Variants in MDN1 observed in about 807,000 individuals in gnomAD.
MDN1 encodes the protein midasin AAA ATPase 1.
A neutral mutation model predicts 669.2 loss-of-function variants in MDN1; 266 were observed. That is an observed-to-expected ratio of 0.40 (90% CI 0.36 to 0.44). The LOEUF (loss-of-function observed/expected upper bound fraction) is 0.44, where lower values mean the gene tolerates loss of function less well. MDN1 is among the 20% of genes least tolerant of loss of function. MDN1 has a pLI of 1.00. For synonymous variants in MDN1, 2,385 were observed against 2,457.1 expected (o/e 0.97, Z 0.87); for missense variants, 5,940 against 6,754.0 (o/e 0.88, Z 4.22).
chr6:89,795,441 GA>G (rs75261535), intron 2 of MDN1, among the ~76,000 whole-genome samples: 25 of 143,540 alleles, frequency 1.7e-4, no homozygotes, highest in East Asian at 1.0e-3. Context: ...TGTTCCTACA[GA>G]AAAAAAAAAA....
intron 74 of MDN1, 104 bp downstream of exon 74, chr6:89,680,485 C>A: frequency 2.2e-6 from 3 of 1,388,304 alleles, no homozygotes; most frequent in Non-Finnish European, 2.9e-6. Flanking sequence ...CTGTTCAACA[C>A]TACACAAGGT....
At chr6:89,706,021 T>G (rs755799177) in intron 53 of MDN1, 38 bp downstream of exon 53, 1 of 1,512,882 alleles carries the variant, frequency 6.6e-7, no homozygotes, top group African/African-American at 1.4e-5. Context: ...AAAGATAAAT[T>G]TTGTTGTTTA....
chr6:89,796,898 A>C (rs999217493), intron 2 of MDN1, among the ~76,000 whole-genome samples: 4 of 151,594 alleles, frequency 2.6e-5, no homozygotes, highest in Admixed American at 6.6e-5. Flanking sequence ...GAGAAACCCC[A>C]TCTCTACTAA....
At chr6:89,806,854 G>C (rs1768058666) in intron 1 of MDN1, among the ~76,000 whole-genome samples, 2 of 151,524 alleles carry the variant, frequency 1.3e-5, no homozygotes, top group African/African-American at 4.9e-5. Flanking sequence ...AGGAGTTCGA[G>C]GCTGCACTAA....
At chr6:89,686,488 G>C (rs769157245) in intron 69 of MDN1, among the ~76,000 whole-genome samples, 1 of 152,126 alleles carries the variant, frequency 6.6e-6, no homozygotes, top group East Asian at 1.9e-4. Flanking sequence ...TAGAGCATGT[G>C]TTAAATGCAC....
At position 89,658,823 on chromosome 6, in the gene MDN1, C is replaced by CT; in HGVS notation, c.14807dup (p.Ser4937GlufsTer6). Reference sequence around the variant, plus strand: ...GGCCTTCCTCAGGCTCCTGTGGACTCTGACTTTCGTTCTGGTCGGTCTCGG... The same window carrying CT: ...GGCCTTCCTCAGGCTCCTGTGGACTCTTGACTTTCGTTCTGGTCGGTCTCGG... On this transcript the variant is annotated frameshift_variant, in exon 89 of 102. Transcript: ENST00000369393. LOFTEE classifies it high-confidence loss of function. The CT allele has an allele frequency of 6.2e-7, 1 of 1,614,220 alleles. No homozygotes were observed. Among genetic ancestry groups the CT allele is most frequent in the Non-Finnish European group, 8.5e-7 (1 of 1,180,044 alleles).
At chr6:89,783,164 T>A (rs9353697) in intron 9 of MDN1, among the ~76,000 whole-genome samples, 27,637 of 152,116 alleles carry the variant, frequency 0.18, 2,583 homozygotes, top group East Asian at 0.22. Flanking sequence ...GAGCCATATT[T>A]TTCTTCTTGC....
intron 5 of MDN1, among the ~76,000 whole-genome samples, chr6:89,791,465 T>C (rs1348787383): frequency 6.6e-6 from 1 of 152,132 alleles, no homozygotes; most frequent in Non-Finnish European, 1.5e-5. Flanking sequence ...GGTATTTGCT[T>C]CTAAGTAATA....
At chr6:89,749,079 T>TA (rs1816820856) in intron 26 of MDN1, 144 bp downstream of exon 26, 2 of 771,284 alleles carry the variant, frequency 2.6e-6, no homozygotes, top group Non-Finnish European at 3.8e-6. Flanking sequence ...AAATAAATAA[T>TA]AAAAAAATTA....
Position 89,722,770 on chromosome 6 carries a change from C to T in MDN1, c.5967+185G>A, listed in dbSNP as rs531708501. On this transcript the variant is annotated intron_variant, in intron 40 of 101. Coordinates refer to ENST00000369393, the MANE Select transcript of MDN1 (RefSeq NM_014611.3). The stretch of plus-strand genomic sequence containing the variant: ...GCTAAGGCAGGAGAATCACTTGAAC[C>T]TGGGAGGTGAAGCTGCAGCAAGCCA... Among the ~76,000 whole-genome samples the T allele has an allele frequency of 9.9e-5, 15 of 151,408 alleles. No homozygotes were observed. The South Asian group carries it at 3.1e-3, about 32-fold the overall frequency.
At chr6:89,801,414 A>C (rs1451352656) in intron 2 of MDN1, among the ~76,000 whole-genome samples, 1 of 152,132 alleles carries the variant, frequency 6.6e-6, no homozygotes, top group Non-Finnish European at 1.5e-5. Context: ...GCAATCTGGG[A>C]GGTCGAGGTA....
At chr6:89,812,716 A>G (rs1335341342) in intron 1 of MDN1, among the ~76,000 whole-genome samples, 1 of 151,982 alleles carries the variant, frequency 6.6e-6, no homozygotes, top group African/African-American at 2.4e-5. Flanking sequence ...TAAAAGGATA[A>G]CCTCAGTGTT....
intron 33 of MDN1, among the ~76,000 whole-genome samples, chr6:89,736,733 G>A (rs1054647164): frequency 1.3e-5 from 2 of 152,144 alleles, no homozygotes; most frequent in Non-Finnish European, 2.9e-5. Context: ...GGTCAAGGCC[G>A]CTGTGAGCCG....
intron 63 of MDN1, among the ~76,000 whole-genome samples, chr6:89,692,079 T>A (rs1366566570): frequency 6.6e-6 from 1 of 152,168 alleles, no homozygotes; most frequent in African/African-American, 2.4e-5. Context: ...ATTTTAGTAT[T>A]CTCTTAATTG....
At position 89,699,674 on chromosome 6, in the gene MDN1, G is replaced by A; in HGVS notation, c.8924C>T (p.Ser2975Leu). 1.2e-6 allele frequency: 2 copies of A among 1,614,004 alleles called. No individual in the cohort carries two copies. The highest frequency in any genetic ancestry group is 2.2e-5 in the South Asian group (2 of 91,074). Residue 2975 changes from serine (S) to leucine (L), a missense_variant, in exon 58 of 102, where the codon TCA (serine) becomes TTA (leucine). Coordinates refer to ENST00000369393, the MANE Select transcript of MDN1 (RefSeq NM_014611.3). ...QINEEISHLI[S>L]FCLYHTPVTP... ...AACAGGTGTGTGATAAAGACAAAAT[G>A]AGATGAGGTGACTTATCTCCTCATT...
intron 2 of MDN1, among the ~76,000 whole-genome samples, chr6:89,801,062 G>A (rs1159783324): frequency 6.6e-6 from 1 of 152,182 alleles, no homozygotes; most frequent in Admixed American, 6.5e-5. Flanking sequence ...AGTCAGCATA[G>A]GTAAAACTTA....
At position 89,745,343 on chromosome 6, in the gene MDN1, G is replaced by A. The variant is rs769609988; in HGVS notation, c.4108C>T (p.Arg1370Trp). The A allele has an allele frequency of 7.4e-6, 12 of 1,613,780 alleles. No individual in the cohort carries two copies. The highest frequency in any genetic ancestry group is 1.1e-5 in the South Asian group (1 of 91,076). ...FGHIVWTEGM[R>W]RLAMLVGRAL... ...CTTCCCACTAGCATCGCGAGTCTCC[G>A]CATGCCCTCAGTCCACACGATATGG... The change falls in exon 29 of 102, where the codon CGG becomes TGG. Residue 1370 changes from arginine (R) to tryptophan (W), a missense_variant. By Grantham distance (101) the Arg-to-Trp change is moderately radical (BLOSUM62 -3). This residue lies in a region of MDN1 where 2,292 missense variants were observed against 2,638.3 expected (regional missense o/e 0.87). Transcript: ENST00000369393.
chr6:89,695,602 TACC>T lies in MDN1; in HGVS notation c.9771_9771+2del. The T allele has an allele frequency of 6.3e-7, 1 of 1,585,346 alleles. No individual in the cohort carries two copies. The highest frequency in any genetic ancestry group is 8.6e-7 in the Non-Finnish European group (1 of 1,160,726). On this transcript the variant is annotated splice_donor_variant and coding_sequence_variant, in exon 61 of 102. Transcript: ENST00000369393. LOFTEE classifies it high-confidence loss of function. This position sits in a 1 kb window ranked among gnomAD's most constrained non-coding sequence, Gnocchi z 4.1. ...CCATGCTCCATACTCTTGCCTCCCATACCTCTTCCTTGACGTAATTGAGCTTGT... is the reference window on the plus strand; with the variant it reads ...CCATGCTCCATACTCTTGCCTCCCATTCTTCCTTGACGTAATTGAGCTTGT...
chr6:89,716,573 C>A, intron 44 of MDN1, 77 bp downstream of exon 44: 1 of 1,492,192 alleles, frequency 6.7e-7, no homozygotes, highest in Non-Finnish European at 9.0e-7. Flanking sequence ...AATACCAGCA[C>A]TTCTATCTGG....
Sources: allele counts gnomAD v4.1 joint callset (sites outside exome capture counted in the v4.1 genomes callset), GRCh38; gene constraint gnomAD v4.1.1; regional missense constraint gnomAD v4.1.1; non-coding constraint Gnocchi (gnomAD v3.1); transcripts MANE v1.5; gene names NCBI Gene and HGNC (gene_info 2026-07-23, HGNC 2026-07-21).